The following ANKS1A variants were observed in gnomAD, a reference collection of about 807,000 sequenced individuals.
ANKS1A encodes ankyrin repeat and sterile alpha motif domain containing 1A, also known as ankyrin repeat and SAM domain-containing protein 1A.
A neutral mutation model predicts 120.3 loss-of-function variants in ANKS1A; 55 were observed. That is an observed-to-expected ratio of 0.46 (90% CI 0.37 to 0.57). The LOEUF (loss-of-function observed/expected upper bound fraction) is 0.57. Among genes scored for constraint, ANKS1A ranks in the 20% least tolerant of loss-of-function variants. The pLI, the probability that ANKS1A is intolerant of heterozygous loss-of-function variation, is 0.00. For synonymous variants in ANKS1A, 590 were observed against 604.7 expected, an observed-to-expected ratio of 0.98 and a Z score of 0.36; for missense variants, 1,123 against 1,480.3, an observed-to-expected ratio of 0.76 and a Z score of 3.96.
intron 11 of ANKS1A, among the ~76,000 whole-genome samples, chr6:35,047,918 C>A (rs1247865931): frequency 6.6e-6 from 1 of 152,200 alleles, no homozygotes; most frequent in Non-Finnish European, 1.5e-5. Flanking sequence ...TGTCAAGCTG[C>A]AGATGTGGGC....
chr6:34,932,389 G>T (rs2127474833), intron 1 of ANKS1A, among the ~76,000 whole-genome samples: 2 of 152,186 alleles, frequency 1.3e-5, no homozygotes, highest in South Asian at 4.2e-4. Flanking sequence ...CACCGTGTTG[G>T]CCAGGCTGGT....
intron 1 of ANKS1A, among the ~76,000 whole-genome samples, chr6:34,960,570 C>T (rs1770582644): frequency 6.6e-6 from 1 of 152,112 alleles, no homozygotes; most frequent in South Asian, 2.1e-4. Context: ...CCCGGCATGT[C>T]TACACATGCA....
At chr6:35,039,014 A>T (rs1775317882) in intron 11 of ANKS1A, among the ~76,000 whole-genome samples, 1 of 151,920 alleles carries the variant, frequency 6.6e-6, no homozygotes, top group Non-Finnish European at 1.5e-5. Flanking sequence ...AAACCAGGCG[A>T]TTGACCGTGG....
At chr6:35,048,089 G>A (rs1775800375) in intron 11 of ANKS1A, among the ~76,000 whole-genome samples, 2 of 152,202 alleles carry the variant, frequency 1.3e-5, no homozygotes, top group South Asian at 4.1e-4. Flanking sequence ...CGCTCTGGAA[G>A]CCAGAGCTCC....
At chr6:34,977,929 C>T (rs1009526006) in intron 3 of ANKS1A, among the ~76,000 whole-genome samples, 7 of 151,890 alleles carry the variant, frequency 4.6e-5, no homozygotes, top group South Asian at 4.2e-4. Context: ...GAAATAGTTC[C>T]AAGAGGAGAA....
At chr6:34,934,609 G>A (rs148052799) in intron 1 of ANKS1A, among the ~76,000 whole-genome samples, 4 of 152,176 alleles carry the variant, frequency 2.6e-5, no homozygotes, top group African/African-American at 7.2e-5. Context: ...ATCATTCAGC[G>A]GTCATGCTTA....
chr6:34,986,341 A>T (rs1772200904), intron 8 of ANKS1A, among the ~76,000 whole-genome samples: 1 of 152,152 alleles, frequency 6.6e-6, no homozygotes, highest in Non-Finnish European at 1.5e-5. Context: ...CCCTAGGGTT[A>T]TGTTGGGAGT....
chr6:35,072,760 G>A (rs528148823), intron 13 of ANKS1A, among the ~76,000 whole-genome samples: 97 of 152,348 alleles, frequency 6.4e-4, no homozygotes, highest in Non-Finnish European at 1.1e-3. Flanking sequence ...GCATTTATGC[G>A]CGATGCTGAG....
At position 35,081,268 on chromosome 6, in the gene ANKS1A, A is replaced by T. The variant is rs1017419647; in HGVS notation, c.2709+110A>T. On this transcript the variant is annotated intron_variant, in intron 17 of 23. Coordinates refer to ENST00000360359, the MANE Select transcript of ANKS1A (RefSeq NM_015245.3). ...CATACTTGAGCACAGTTGGGCTGGC[A>T]CCAGAGTCAGGAGGCACTAGCCTGC... is the stretch of plus-strand genomic sequence containing the variant. 155 of 1,390,632 alleles carry T rather than the reference A, an allele frequency of 1.1e-4. 1 individual carries two copies. Among genetic ancestry groups the T allele is most frequent in the Middle Eastern group, 2.6e-4 (1 of 3,866 alleles). 86.1% of individuals were successfully genotyped at this position (1,390,632 alleles called of 1,614,324 possible).
intron 1 of ANKS1A, among the ~76,000 whole-genome samples, chr6:34,921,497 T>C (rs2127465553): frequency 6.6e-6 from 1 of 152,360 alleles, no homozygotes; most frequent in East Asian, 1.9e-4. Context: ...CGCTACATTT[T>C]AATTTTTTAT....
intron 11 of ANKS1A, among the ~76,000 whole-genome samples, 163 bp downstream of exon 11, chr6:35,018,222 G>T (rs887395700): frequency 2.0e-5 from 3 of 152,254 alleles, no homozygotes; most frequent in Admixed American, 6.5e-5. Context: ...GAAGAGGCGA[G>T]CCTCAGGTAG....
At chr6:35,030,565 GTAAC>G (rs1344789742) in intron 11 of ANKS1A, among the ~76,000 whole-genome samples, 2 of 152,104 alleles carry the variant, frequency 1.3e-5, no homozygotes, top group East Asian at 3.8e-4. Context: ...AATAATAATA[GTAAC>G]TAACTAAATA....
At chr6:35,079,757 G>T in intron 15 of ANKS1A, 64 bp from the exon 16 acceptor site, 2 of 1,609,866 alleles carry the variant, frequency 1.2e-6, no homozygotes, top group Non-Finnish European at 1.7e-6. Flanking sequence ...GATGCTGGGG[G>T]CTGGAGCGGA....
chr6:34,983,464 C>T (rs760629641), intron 7 of ANKS1A, 39 bp downstream of exon 7: 5 of 1,497,718 alleles, frequency 3.3e-6, no homozygotes, highest in South Asian at 2.5e-5. Flanking sequence ...GGGTGCTCAG[C>T]TTGAAAAGAG....
intron 1 of ANKS1A, among the ~76,000 whole-genome samples, chr6:34,957,006 C>T (rs777930107): frequency 4.6e-5 from 7 of 152,204 alleles, no homozygotes; most frequent in Non-Finnish European, 1.5e-5. Context: ...CTGAGCCTTC[C>T]CAAGGGTGCC....
chr6:34,989,162 A>T, intron 8 of ANKS1A, 62 bp from the exon 9 acceptor site: 1 of 1,560,434 alleles, frequency 6.4e-7, no homozygotes, highest in East Asian at 2.3e-5. Flanking sequence ...GATGAGGGCA[A>T]ACCAAAAAAT....
chr6:34,954,829 TTTC>T (rs1376930503), intron 1 of ANKS1A, among the ~76,000 whole-genome samples: 2 of 152,204 alleles, frequency 1.3e-5, no homozygotes, highest in African/African-American at 4.8e-5. Flanking sequence ...TTCTTAGTGC[TTTC>T]TTCTTCTGGT....
At chr6:34,905,232 C>G (rs1366498518) in intron 1 of ANKS1A, among the ~76,000 whole-genome samples, 2 of 152,216 alleles carry the variant, frequency 1.3e-5, no homozygotes, top group Non-Finnish European at 2.9e-5. Flanking sequence ...TTGACACTTA[C>G]CACATCATGC....
chr6:35,009,552 G>A (rs960182510), intron 10 of ANKS1A, among the ~76,000 whole-genome samples: 1 of 152,122 alleles, frequency 6.6e-6, no homozygotes, highest in Non-Finnish European at 1.5e-5. Context: ...GATGAGAGAT[G>A]TGAAGGTTAG....
Sources: allele counts gnomAD v4.1 joint callset (sites outside exome capture counted in the v4.1 genomes callset), GRCh38; gene constraint gnomAD v4.1.1; transcripts MANE v1.5; gene names NCBI Gene and HGNC (gene_info 2026-07-23, HGNC 2026-07-21).